Variants in PAM observed in about 807,000 individuals in gnomAD.
The protein encoded by PAM is peptidylglycine alpha-amidating monooxygenase.
A neutral mutation model predicts 122.1 loss-of-function variants in PAM; 72 were observed. The ratio of observed to expected loss-of-function variants is 0.59; its 90% CI spans 0.49 to 0.72. The LOEUF (loss-of-function observed/expected upper bound fraction) is 0.72, where lower values mean the gene tolerates loss of function less well. PAM is among the 30% of genes least tolerant of loss of function. The pLI, the probability that PAM is intolerant of heterozygous loss-of-function variation, is 0.00. For missense variants in PAM, 1,106 were observed against 1,183.7 expected, an observed-to-expected ratio of 0.93 and a Z score of 0.96; for synonymous variants, 389 against 404.4, an observed-to-expected ratio of 0.96 and a Z score of 0.46.
At chr5:102,908,305 G>C (rs2151494732) in intron 4 of PAM, among the ~76,000 whole-genome samples, 1 of 151,948 alleles carries the variant, frequency 6.6e-6, no homozygotes, top group South Asian at 2.1e-4. Context: ...TTATTTCTGA[G>C]GGCTCTGTTC....
At chr5:102,880,284 G>GAA (rs549280640) in intron 3 of PAM, among the ~76,000 whole-genome samples, 1 of 138,566 alleles carries the variant, frequency 7.2e-6, no homozygotes, top group African/African-American at 2.6e-5. Flanking sequence ...CTGTCTCAAG[G>GAA]AAAAAAAAAA....
In PAM at chr5:102,803,568, T is replaced by C. The variant is rs566470845; in HGVS notation, c.-374+48220T>C. On this transcript the variant is annotated intron_variant, in intron 1 of 25. Transcript: ENST00000438793. ...GAGCAGATTGGGGCATCAGGGACTC[T>C]AGAAGCCATGTGACACAGGAGGAAC... Among the ~76,000 whole-genome samples the C allele has an allele frequency of 2.6e-5, 4 of 152,282 alleles. No individual in the cohort carries two copies. In the South Asian group the frequency reaches 8.3e-4, roughly 32 times the overall value.
chr5:102,969,261 A>G (rs2150366263), intron 14 of PAM, among the ~76,000 whole-genome samples: 1 of 152,010 alleles, frequency 6.6e-6, no homozygotes, highest in South Asian at 2.1e-4. Flanking sequence ...AATCAAAATC[A>G]AAGTTAGTCC....
intron 1 of PAM, among the ~76,000 whole-genome samples, chr5:102,859,854 T>C (rs369199306): frequency 6.6e-6 from 1 of 152,190 alleles, no homozygotes; most frequent in East Asian, 1.9e-4. Context: ...GTTTGAGTTG[T>C]TTCCAGTATT....
intron 1 of PAM, among the ~76,000 whole-genome samples, chr5:102,811,947 C>A (rs1435827453): frequency 6.6e-6 from 1 of 152,180 alleles, no homozygotes; most frequent in Non-Finnish European, 1.5e-5. Flanking sequence ...GAGAGGCTCA[C>A]ATCAGATGAA....
chr5:102,932,591 A>G (rs1751931016), intron 7 of PAM, among the ~76,000 whole-genome samples: 2 of 148,682 alleles, frequency 1.3e-5, no homozygotes, highest in South Asian at 2.1e-4. Flanking sequence ...ATAATTGTAT[A>G]TATATATCTG....
chr5:103,009,801 G>A lies in PAM; in HGVS notation c.2266G>A (p.Val756Ile). Residue 756 changes from valine to isoleucine, a missense_variant, in exon 21 of 26, where the codon GTA (valine) becomes ATA (isoleucine). This residue lies in a region of PAM where 333 missense variants were observed against 335.6 expected (regional missense o/e 0.99). Transcript: ENST00000438793. ...GKPHFGDQEP[V>I]QGFVMNFSNG... Reference sequence around the variant, plus strand: ...GCCTCATTTTGGGGACCAAGAACCTGTACAAGGATTTGTGATGAACTTTTC... The same window carrying A: ...GCCTCATTTTGGGGACCAAGAACCTATACAAGGATTTGTGATGAACTTTTC... 6.2e-7 allele frequency: 1 copy of A among 1,612,694 alleles called. No individual in the cohort carries two copies. The highest frequency in any genetic ancestry group is 8.5e-7 in the Non-Finnish European group (1 of 1,178,930).
At chr5:102,942,461 T>C (rs1380656832) in intron 7 of PAM, among the ~76,000 whole-genome samples, 23 of 152,120 alleles carry the variant, frequency 1.5e-4, no homozygotes, top group Non-Finnish European at 4.4e-5. Flanking sequence ...TGTCCCTGAT[T>C]CATTTTTGTT....
intron 1 of PAM, among the ~76,000 whole-genome samples, chr5:102,835,314 A>G (rs944461676): frequency 6.6e-6 from 1 of 152,140 alleles, no homozygotes; most frequent in Non-Finnish European, 1.5e-5. Context: ...ATAATAATCA[A>G]TAACCTTGTA....
At position 102,959,800 on chromosome 5, in the gene PAM, G is replaced by A; in HGVS notation, c.906-75G>A. On this transcript the variant is annotated intron_variant, in intron 12 of 25. Coordinates refer to ENST00000438793, the MANE Select transcript of PAM (RefSeq NM_001177306.2). ...TTGAATCCATTGCTGGCAGATCTAA[G>A]GGCTTCATTTTTCTTGCATTAAGCA... 8 of 930,076 alleles carry A rather than the reference G, an allele frequency of 8.6e-6. No homozygotes were observed. In the South Asian group the frequency reaches 1.1e-4, roughly 12 times the overall value. 57.6% of individuals were successfully genotyped at this position (930,076 alleles called of 1,614,324 possible).
chr5:102,919,024 T>C (rs1191723698), intron 5 of PAM, among the ~76,000 whole-genome samples: 1 of 152,094 alleles, frequency 6.6e-6, no homozygotes, highest in Non-Finnish European at 1.5e-5. Context: ...CTTCTACAGG[T>C]TGTTTGATGT....
At chr5:102,791,591 T>C (rs992007389) in intron 1 of PAM, among the ~76,000 whole-genome samples, 2 of 152,152 alleles carry the variant, frequency 1.3e-5, no homozygotes, top group African/African-American at 4.8e-5. Context: ...GCAACTACTT[T>C]TTCTCCAGCA....
intron 1 of PAM, among the ~76,000 whole-genome samples, chr5:102,836,189 TTGAAA>T (rs1405648170): frequency 1.3e-5 from 2 of 152,216 alleles, no homozygotes; most frequent in African/African-American, 4.8e-5. Context: ...AATATGACTG[TTGAAA>T]TGATTAATAT....
intron 1 of PAM, among the ~76,000 whole-genome samples, chr5:102,808,991 C>G (rs1767045117): frequency 6.6e-6 from 1 of 152,184 alleles, no homozygotes; most frequent in South Asian, 2.1e-4. Context: ...TTATAACATT[C>G]AGACAGAACA....
chr5:103,026,697 T>C (rs1785029384), intron 24 of PAM, among the ~76,000 whole-genome samples: 1 of 152,130 alleles, frequency 6.6e-6, no homozygotes, highest in Non-Finnish European at 1.5e-5. Flanking sequence ...GTTTAATAAA[T>C]TGTTGTTGAA....
intron 5 of PAM, among the ~76,000 whole-genome samples, chr5:102,916,662 A>G (rs1169587127): frequency 6.8e-6 from 1 of 147,386 alleles, no homozygotes; most frequent in East Asian, 1.9e-4. Flanking sequence ...ATATATATAT[A>G]AAGATTATAA....
At chr5:103,010,483 A>G (rs1167748154) in intron 21 of PAM, among the ~76,000 whole-genome samples, 5 of 152,184 alleles carry the variant, frequency 3.3e-5, no homozygotes, top group African/African-American at 1.2e-4. Context: ...TTCTCAGTGT[A>G]CTTACTCTGC....
At chr5:103,008,019 C>T (rs1035626501) in intron 20 of PAM, among the ~76,000 whole-genome samples, 1 of 152,000 alleles carries the variant, frequency 6.6e-6, no homozygotes, top group Non-Finnish European at 1.5e-5. Context: ...TCAAAATACT[C>T]ATTTCACATT....
chr5:102,930,707 G>C (rs962923377), intron 7 of PAM, among the ~76,000 whole-genome samples: 4 of 152,174 alleles, frequency 2.6e-5, no homozygotes, highest in African/African-American at 7.2e-5. Context: ...ATGCCGCTCA[G>C]TCTTGGGCTT....
Sources: allele counts gnomAD v4.1 joint callset (sites outside exome capture counted in the v4.1 genomes callset), GRCh38; gene constraint gnomAD v4.1.1; regional missense constraint gnomAD v4.1.1; transcripts MANE v1.5; gene names NCBI Gene and HGNC (gene_info 2026-07-23, HGNC 2026-07-21).